CLEC9A: variants seen among roughly 807,000 people sequenced by gnomAD.
CLEC9A encodes C-type lectin domain family 9 member A.
CLEC9A carries 24 observed loss-of-function variants against 30.0 expected under a neutral mutation model. That is an observed-to-expected ratio of 0.80 (90% CI 0.58 to 1.13). The LOEUF (loss-of-function observed/expected upper bound fraction) is 1.13, where lower values mean the gene tolerates loss of function less well. CLEC9A is among the 50% of genes most tolerant of loss of function. The pLI is 0.00. For missense variants in CLEC9A, 251 were observed against 280.9 expected (o/e 0.89, Z 0.76); for synonymous variants, 111 against 96.8 (o/e 1.15, Z -0.86).
At chr12:10,057,461 T>C (rs1221289534) in intron 5 of CLEC9A, among the ~76,000 whole-genome samples, 1 of 151,972 alleles carries the variant, frequency 6.6e-6, no homozygotes, top group Non-Finnish European at 1.5e-5. Context: ...AAATTGCTCA[T>C]ATATATAACT....
In CLEC9A at chr12:10,060,981, A is replaced by G. The variant is rs2137313890; in HGVS notation, c.173-146A>G. 4.3e-6 allele frequency: 4 copies of G among 931,006 alleles called. 1 individual carries two copies. In the South Asian group the frequency reaches 7.2e-5, roughly 17 times the overall value. The allele number at this position is 931,006 out of a possible 1,614,324, so 57.7% of individuals were successfully genotyped here. A position where few individuals can be genotyped will look rare whatever the true frequency, so the allele number is the denominator to read the frequency against. On this transcript the variant is annotated intron_variant, in intron 5 of 8. Coordinates refer to ENST00000355819, the MANE Select transcript of CLEC9A (RefSeq NM_207345.4). ...TTTTGTAGTGTTTGATTCTTGTACAATGTAAATTTTAAGCAAAAACCTAAA... is the reference window on the plus strand; with the variant it reads ...TTTTGTAGTGTTTGATTCTTGTACAGTGTAAATTTTAAGCAAAAACCTAAA...
Position 10,041,527 on chromosome 12 carries a change from G to T in CLEC9A, c.-256G>T. On this transcript the variant is annotated 5_prime_UTR_variant, in exon 2 of 9. Coordinates refer to ENST00000355819, the MANE Select transcript of CLEC9A (RefSeq NM_207345.4). Reference sequence around the variant, plus strand: ...CATATTATGGAGATAGCTGCTATGGGTTCTTCAAACACAACTTGACATGGA... The same window carrying T: ...CATATTATGGAGATAGCTGCTATGGTTTCTTCAAACACAACTTGACATGGA... 2.0e-6 allele frequency: 1 copy of T among 500,874 alleles called. No homozygotes were observed. The highest frequency in any genetic ancestry group is 1.5e-5 in the South Asian group (1 of 64,790). 31.0% of individuals were successfully genotyped at this position (500,874 alleles called of 1,614,324 possible).
chr12:10,053,298 T>C (rs1279866699), intron 4 of CLEC9A, among the ~76,000 whole-genome samples: 1 of 152,204 alleles, frequency 6.6e-6, no homozygotes, highest in Non-Finnish European at 1.5e-5. Flanking sequence ...GGGCTCTAGA[T>C]GTCACAAGCT....
intron 5 of CLEC9A, among the ~76,000 whole-genome samples, chr12:10,055,849 G>T (rs1179583624): frequency 6.6e-6 from 1 of 151,810 alleles, no homozygotes; most frequent in Non-Finnish European, 1.5e-5. Flanking sequence ...CTGAGGTCAG[G>T]AGTTCAAGAC....
At chr12:10,051,350 G>A (rs771107512) in intron 2 of CLEC9A, among the ~76,000 whole-genome samples, 2 of 152,152 alleles carry the variant, frequency 1.3e-5, no homozygotes, top group African/African-American at 4.8e-5. Context: ...AAACAAACTT[G>A]GCCCCTGGCT....
intron 2 of CLEC9A, among the ~76,000 whole-genome samples, chr12:10,045,267 C>A (rs1468340922): frequency 2.0e-5 from 3 of 152,148 alleles, no homozygotes; most frequent in African/African-American, 7.2e-5. Context: ...TTCCCTTGCT[C>A]CTTAATCTTA....
At chr12:10,048,955 A>G (rs957143765) in intron 2 of CLEC9A, among the ~76,000 whole-genome samples, 1 of 152,174 alleles carries the variant, frequency 6.6e-6, no homozygotes, top group East Asian at 1.9e-4. Flanking sequence ...ATCACTATCC[A>G]TGGCAGTGAT....
chr12:10,047,050 A>G (rs545485729), intron 2 of CLEC9A, among the ~76,000 whole-genome samples: 15 of 152,312 alleles, frequency 9.8e-5, no homozygotes, highest in African/African-American at 3.1e-4. Flanking sequence ...ACACTTAAAG[A>G]CACTTGAATC....
chr12:10,044,599 C>T (rs1865829720), intron 2 of CLEC9A, among the ~76,000 whole-genome samples: 1 of 152,172 alleles, frequency 6.6e-6, no homozygotes, highest in Non-Finnish European at 1.5e-5. Context: ...TGACTGTTTC[C>T]TTCTTGTGAA....
intron 2 of CLEC9A, among the ~76,000 whole-genome samples, chr12:10,048,970 T>G (rs915537379): frequency 2.0e-4 from 30 of 152,224 alleles, no homozygotes; most frequent in Non-Finnish European, 3.2e-4. Context: ...AGTGATAGCC[T>G]TATGAAATTT....
Position 10,030,855 on chromosome 12 carries a change from A to T in CLEC9A, c.-435A>T, listed in dbSNP as rs974880942. 2 of 152,256 alleles carry T rather than the reference A, an allele frequency of 1.3e-5. No individual in the cohort carries two copies. Among genetic ancestry groups the T allele is most frequent in the African/African-American group, 4.8e-5 (2 of 41,464 alleles). 9.4% of individuals were successfully genotyped at this position (152,256 alleles called of 1,614,324 possible). On this transcript the variant is annotated 5_prime_UTR_variant, in exon 1 of 9. The change abolishes the stop of an existing upstream ORF in the 5' untranslated region. Transcript: ENST00000355819. The stretch of plus-strand genomic sequence containing the variant: ...ATGATTAAACCCAGCCATTTATGTG[A>T]CAATAGCATTTTTATTTTTCTTATC...
At chr12:10,032,220 T>A (rs1865703968) in intron 1 of CLEC9A, among the ~76,000 whole-genome samples, 1 of 152,108 alleles carries the variant, frequency 6.6e-6, no homozygotes, top group Non-Finnish European at 1.5e-5. Context: ...AAGTATAATA[T>A]TAACATACAA....
At chr12:10,058,765 G>A (rs766417067) in intron 5 of CLEC9A, among the ~76,000 whole-genome samples, 9 of 152,174 alleles carry the variant, frequency 5.9e-5, no homozygotes, top group African/African-American at 1.9e-4. Context: ...TGGTGGTCTC[G>A]AACTCCTGAC....
chr12:10,051,657 T>C (rs955421549), intron 2 of CLEC9A, among the ~76,000 whole-genome samples: 1 of 152,168 alleles, frequency 6.6e-6, no homozygotes, highest in African/African-American at 2.4e-5. Flanking sequence ...AACAGTGTAA[T>C]TTTGCATATT....
Position 10,063,083 on chromosome 12 carries a change from T to C in CLEC9A, c.348T>C (p.Asn116=), listed in dbSNP as rs759498889. ...SAHNSSPCPN[N]WIQNRESCYY... is the part of the protein sequence containing the mutation. ...ATAACAGCAGTCCTTGTCCAAACAA[T>C]TGGATTCAGAACAGAGAAAGTTGTT... is the stretch of plus-strand genomic sequence containing the variant. The change falls in exon 7 of 9, where the codon AAT becomes AAC. Residue 116 remains asparagine (N), a synonymous_variant. Coordinates refer to ENST00000355819, the MANE Select transcript of CLEC9A (RefSeq NM_207345.4). 4.4e-6 allele frequency: 7 copies of C among 1,607,400 alleles called. No homozygotes were observed. Among genetic ancestry groups the C allele is most frequent in the South Asian group, 1.1e-5 (1 of 89,594 alleles).
rs535991824 is a variant in CLEC9A, at chr12:10,037,889, G to A, written c.-317-3577G>A. ...GCGTTATGGAAAAGAGTGAAGCAAG[G>A]AAGAGGGACAAGAACGTGGGCTGGT... On this transcript the variant is annotated intron_variant, in intron 1 of 8. Transcript: ENST00000355819. 3.7e-4 allele frequency among the ~76,000 whole-genome samples: 57 copies of A among 152,276 alleles called. 1 individual carries two copies. The highest frequency in any genetic ancestry group is 1.3e-3 in the African/African-American group (56 of 41,564).
At chr12:10,049,085 A>G (rs1865871667) in intron 2 of CLEC9A, among the ~76,000 whole-genome samples, 1 of 152,156 alleles carries the variant, frequency 6.6e-6, no homozygotes, top group East Asian at 1.9e-4. Flanking sequence ...ATCCTGGTAC[A>G]TCTTCATCGG....
chr12:10,054,381 G>A (rs1565592250), intron 5 of CLEC9A, 30 bp downstream of exon 5: 10 of 1,412,174 alleles, frequency 7.1e-6, no homozygotes, highest in Non-Finnish European at 1.0e-5. Flanking sequence ...TTCAAAATAT[G>A]TATATCGTTA....
intron 2 of CLEC9A, among the ~76,000 whole-genome samples, chr12:10,049,059 G>T (rs1470778046): frequency 1.3e-5 from 2 of 152,014 alleles, no homozygotes; most frequent in Non-Finnish European, 1.5e-5. Flanking sequence ...GTGTTAGCAG[G>T]AATGAAAACA....
Sources: gnomAD v4.1 joint callset for allele counts (sites outside exome capture counted in the v4.1 genomes callset) on GRCh38, gnomAD v4.1.1 for gene constraint, MANE v1.5 for transcripts, NCBI Gene and HGNC (gene_info 2026-07-23, HGNC 2026-07-21) for gene names.